ITIH1: variants seen among roughly 807,000 people sequenced by gnomAD.
The protein encoded by ITIH1 is inter-alpha-trypsin inhibitor heavy chain H1.
A neutral mutation model predicts 104.6 loss-of-function variants in ITIH1; 94 were observed. The observed-to-expected ratio is 0.90, with a 90% CI of 0.76 to 1.07. ITIH1 has a LOEUF of 1.07. ITIH1 is among the 50% of genes least tolerant of loss of function. ITIH1 has a pLI of 0.00. For missense variants in ITIH1, 1,193 were observed against 1,181.4 expected, an observed-to-expected ratio of 1.01 and a Z score of -0.14; for synonymous variants, 455 against 464.4, an observed-to-expected ratio of 0.98 and a Z score of 0.26.
intron 6 of ITIH1, 82 bp from the exon 7 acceptor site, chr3:52,781,858 C>G (rs891157489): frequency 2.6e-6 from 4 of 1,550,282 alleles, no homozygotes; most frequent in African/African-American, 1.4e-5. Context: ...CACACACACG[C>G]ATGCCTTCTT....
In ITIH1 at chr3:52,790,801, G is replaced by A. The variant is rs768471785; in HGVS notation, c.2374G>A (p.Gly792Ser). 47 of 1,613,014 alleles carry A rather than the reference G, an allele frequency of 2.9e-5. No individual in the cohort carries two copies. The highest frequency in any genetic ancestry group is 5.3e-5 in the African/African-American group (4 of 75,000). ...GAACCTGGTGGTGTCTGTGGACGAC[G>A]GTGGCACCTTTGAGGTTGTTTTGCA... ...KRNLVVSVDD[G>S]GTFEVVLHRV... The change falls in exon 20 of 22, where the codon GGT becomes AGT. Residue 792 changes from glycine to serine, a missense_variant. By Grantham distance (56) the Gly-to-Ser change is moderately conservative (BLOSUM62 0). Transcript: ENST00000273283.
In ITIH1 at chr3:52,786,967, A is replaced by G. The variant is rs147649121; in HGVS notation, c.1756A>G (p.Arg586Gly). 4.3e-6 allele frequency: 7 copies of G among 1,613,490 alleles called. No individual in the cohort carries two copies. In the African/African-American group the frequency reaches 9.3e-5, roughly 22 times the overall value. Residue 586 changes from arginine to glycine, a missense_variant, in exon 14 of 22, where the codon AGG (arginine) becomes GGG (glycine). By Grantham distance (125) the Arg-to-Gly change is moderately radical (BLOSUM62 -2). Transcript: ENST00000273283. ...CAGGATGAAGGTGGACAGGGAGGAG[A>G]GGGCCAACCTGTCATCCCAGGCCCT... ...AKRMKVDREE[R>G]ANLSSQALQM... is the part of the protein sequence containing the mutation.
rs1327239600 is a variant in ITIH1 at position 52,786,431 on chromosome 3, A to G, written c.1730A>G (p.Lys577Arg). Reference sequence around the variant, plus strand: ...CTCACCATCCAGGAGCTGCTGGCCAAGCGGTAGGGCACCTGCAGCTGCCCC... The same window carrying G: ...CTCACCATCCAGGAGCTGCTGGCCAGGCGGTAGGGCACCTGCAGCTGCCCC... ...AYLTIQELLAKRMKVDREERA... is the reference protein window; with the variant it reads ...AYLTIQELLARRMKVDREERA... The change falls in exon 13 of 22, where the codon AAG becomes AGG. Residue 577 changes from lysine (K) to arginine (R), a missense_variant. Transcript: ENST00000273283. The G allele has an allele frequency of 6.3e-7, 1 of 1,579,090 alleles. No homozygotes were observed. The highest frequency in any genetic ancestry group is 1.4e-5 in the African/African-American group (1 of 73,986).
In ITIH1 at chr3:52,791,477, C is replaced by G. The variant is rs1015171397; in HGVS notation, c.2495-40C>G. On this transcript the variant is annotated intron_variant, in intron 20 of 21. Transcript: ENST00000273283. The stretch of plus-strand genomic sequence containing the variant: ...TGCTGAGTGCAGGGCAGGAGCAAGT[C>G]CCCGAGATGGTAACCGCTGTCTCCA... 22 of 1,537,754 alleles carry G rather than the reference C, an allele frequency of 1.4e-5. No individual in the cohort carries two copies. In the East Asian group the frequency reaches 4.9e-4, roughly 35 times the overall value.
Position 52,781,204 on chromosome 3 carries a change from TTTTTTTCTTC to T in ITIH1, c.688-733_688-724del, listed in dbSNP as rs1161671862. On this transcript the variant is annotated intron_variant, in intron 6 of 21. Transcript: ENST00000273283. ...CCTTCACCTCCTCCTCTTCTTTTTT[TTTTTTTCTTC>T]TTCTTCTTCTTCTTCTTCTTCTTCT... Among the ~76,000 whole-genome samples the T allele has an allele frequency of 3.0e-3, 361 of 121,288 alleles. 33 individuals are homozygous for T. Among genetic ancestry groups the T allele is most frequent in the African/African-American group, 6.6e-3 (175 of 26,564 alleles). The allele number at this position is 121,288 out of a possible 152,430, so 79.6% of individuals were successfully genotyped here.
At chr3:52,778,753 C>A in intron 3 of ITIH1, 189 bp from the exon 4 acceptor site, 1 of 1,281,540 alleles carries the variant, frequency 7.8e-7, no homozygotes, top group Non-Finnish European at 1.0e-6. Flanking sequence ...AGGCCAGAGT[C>A]TGAGGCTTCT....
At chr3:52,787,518 A>G in intron 15 of ITIH1, 74 bp from the exon 16 acceptor site, 1 of 1,573,476 alleles carries the variant, frequency 6.4e-7, no homozygotes, top group East Asian at 2.2e-5. Flanking sequence ...CCTGTTGTGG[A>G]CAGAGCTGCA....
Position 52,779,898 on chromosome 3 carries a change from G to A in ITIH1, c.573+304G>A. On this transcript the variant is annotated intron_variant, in intron 5 of 21. Transcript: ENST00000273283. This position sits in a 1 kb window ranked among gnomAD's most constrained non-coding sequence, Gnocchi z 4.4. ...TCCAGGTAATTTTGTAAACTAGAAAGTCCCGCGCAGCCTGAGGGCCTGGAA... is the reference window on the plus strand; with the variant it reads ...TCCAGGTAATTTTGTAAACTAGAAAATCCCGCGCAGCCTGAGGGCCTGGAA... 1.4e-6 allele frequency: 2 copies of A among 1,382,532 alleles called. No individual in the cohort carries two copies. Among genetic ancestry groups the A allele is most frequent in the South Asian group, 3.1e-5 (2 of 64,820 alleles). 85.6% of individuals were successfully genotyped at this position (1,382,532 alleles called of 1,614,324 possible). A position where few individuals can be genotyped will look rare whatever the true frequency, so the allele number is the denominator to read the frequency against.
chr3:52,778,303 CT>C (rs1559459625), intron 2 of ITIH1, 36 bp from the exon 3 acceptor site: 1 of 1,603,874 alleles, frequency 6.2e-7, no homozygotes, highest in Non-Finnish European at 8.5e-7. Flanking sequence ...GACAGAGGCC[CT>C]GTCTCAGGCC....
Position 52,791,792 on chromosome 3 carries a change from A to AAAGACTACAG in ITIH1, c.2618_2627dup (p.Ser876ArgfsTer32). The AAAGACTACAG allele has an allele frequency of 6.2e-7, 1 of 1,613,268 alleles. No individual in the cohort carries two copies. Among genetic ancestry groups the AAAGACTACAG allele is most frequent in the Non-Finnish European group, 8.5e-7 (1 of 1,179,550 alleles). On this transcript the variant is annotated frameshift_variant, in exon 22 of 22. Transcript: ENST00000273283. LOFTEE classifies it low-confidence loss of function (END_TRUNC). ...CTTGTCTCTGCACAGGGGTTTGCAAAAAGACTACAGCAAGGACCCGTGGCA... is the reference window on the plus strand; with the variant it reads ...CTTGTCTCTGCACAGGGGTTTGCAAAAAGACTACAGAAGACTACAGCAAGGACCCGTGGCA...
Position 52,790,928 on chromosome 3 carries a change from C to G in ITIH1, c.2494+7C>G, listed in dbSNP as rs754895525. 6.3e-7 allele frequency: 1 copy of G among 1,591,448 alleles called. No homozygotes were observed. The highest frequency in any genetic ancestry group is 1.9e-5 in the Admixed American group (1 of 53,748). ...CGGACGCACGGGCTGCTGGGTACGGCTGGCCAGGCTGGCAGGGCTGTGGGG... is the reference window on the plus strand; with the variant it reads ...CGGACGCACGGGCTGCTGGGTACGGGTGGCCAGGCTGGCAGGGCTGTGGGG... On this transcript the variant is annotated splice_region_variant and intron_variant, in intron 20 of 21. Transcript: ENST00000273283.
At chr3:52,784,205 T>C in intron 10 of ITIH1, 91 bp from the exon 11 acceptor site, 1 of 1,163,354 alleles carries the variant, frequency 8.6e-7, no homozygotes, top group Non-Finnish European at 1.2e-6. Context: ...GATGGAAGGC[T>C]TGAGCCCCAG....
rs774015093 is a variant in ITIH1, at chr3:52,786,931, T to G, written c.1734-14T>G. The G allele has an allele frequency of 3.7e-6, 6 of 1,600,692 alleles. No individual in the cohort carries two copies. The highest frequency in any genetic ancestry group is 5.1e-6 in the Non-Finnish European group (6 of 1,171,762). On this transcript the variant is annotated splice_polypyrimidine_tract_variant and intron_variant, in intron 13 of 21. Coordinates refer to ENST00000273283, the MANE Select transcript of ITIH1 (RefSeq NM_002215.4). ...CAAGTCGGGGCTTGGAGCCAGCCTC[T>G]GTCTTGAATGCAGGATGAAGGTGGA...
rs1208642332 is a variant in ITIH1 at position 52,786,341 on chromosome 3, T to G, written c.1640T>G (p.Met547Arg). ...ACCTGCCTAGTGGATGAGGAGGAGATGAAGAAACTGCTCCGAGAGCGTGGC... is the reference window on the plus strand; with the variant it reads ...ACCTGCCTAGTGGATGAGGAGGAGAGGAAGAAACTGCTCCGAGAGCGTGGC... ...SITCLVDEEEMKKLLRERGHM... is the reference protein window; with the variant it reads ...SITCLVDEEERKKLLRERGHM... Residue 547 changes from methionine (M) to arginine (R), a missense_variant, in exon 13 of 22, where the codon ATG becomes AGG. By Grantham distance (91) the Met-to-Arg change is moderately conservative. Coordinates refer to ENST00000273283, the MANE Select transcript of ITIH1 (RefSeq NM_002215.4). 6.4e-7 allele frequency: 1 copy of G among 1,574,546 alleles called. No homozygotes were observed. Among genetic ancestry groups the G allele is most frequent in the Non-Finnish European group, 8.6e-7 (1 of 1,159,054 alleles).
At position 52,779,009 on chromosome 3, in the gene ITIH1, A is replaced by G. The variant is rs1198828325; in HGVS notation, c.373A>G (p.Lys125Glu). 1.2e-6 allele frequency: 2 copies of G among 1,614,040 alleles called. No homozygotes were observed. The highest frequency in any genetic ancestry group is 2.2e-5 in the East Asian group (1 of 44,882). Residue 125 changes from lysine to glutamate, a missense_variant, in exon 4 of 22, where the codon AAA becomes GAA. Coordinates refer to ENST00000273283, the MANE Select transcript of ITIH1 (RefSeq NM_002215.4). This position sits in a 1 kb window ranked among gnomAD's most constrained non-coding sequence, Gnocchi z 4.4. Reference protein sequence around the residue: ...DKVTAWKQYRKAAISGENAGL... With the variant: ...DKVTAWKQYREAAISGENAGL... ...GGTGACTGCATGGAAGCAGTACCGG[A>G]AAGCAGCTATCTCAGGAGAGAATGC...
Position 52,787,111 on chromosome 3 carries a change from A to G in ITIH1, c.1888+12A>G, listed in dbSNP as rs770510587. 6.6e-5 allele frequency: 106 copies of G among 1,614,092 alleles called. No individual in the cohort carries two copies. Among genetic ancestry groups the G allele is most frequent in the Non-Finnish European group, 8.4e-5 (99 of 1,180,032 alleles). ...CAAGCCCTCAGAGGGTATAGGCTGC[A>G]GGGGTCTACAGAAGGGAGAGGCCAT... On this transcript the variant is annotated intron_variant, in intron 14 of 21. Transcript: ENST00000273283.
chr3:52,790,488 G>A, intron 19 of ITIH1: 1 of 427,672 alleles, frequency 2.3e-6, no homozygotes. Context: ...TAACCTCTCT[G>A]AGCCTGGGAC....
rs748878505 is a variant in ITIH1, at chr3:52,787,974, CCCT to C, written c.1925-9_1925-7del. On this transcript the variant is annotated splice_polypyrimidine_tract_variant and intron_variant, in intron 16 of 21. Transcript: ENST00000273283. ...CTGCCCCGCTTCTAAATGCCACTCCCCCTCCCATCAGCGTTCGTGCTGTCAGCC... is the reference window on the plus strand; with the variant it reads ...CTGCCCCGCTTCTAAATGCCACTCCCCCCATCAGCGTTCGTGCTGTCAGCC... The C allele has an allele frequency of 4.7e-5, 74 of 1,591,254 alleles. No homozygotes were observed. The highest frequency in any genetic ancestry group is 6.2e-5 in the Non-Finnish European group (72 of 1,166,174).
intron 13 of ITIH1, 94 bp from the exon 14 acceptor site, chr3:52,786,851 T>A: frequency 7.4e-7 from 1 of 1,356,392 alleles, no homozygotes; most frequent in South Asian, 1.4e-5. Context: ...AATGAATGAA[T>A]GAATGAATGA....
Sources: allele counts gnomAD v4.1 joint callset (sites outside exome capture counted in the v4.1 genomes callset), GRCh38; gene constraint gnomAD v4.1.1; non-coding constraint Gnocchi (gnomAD v3.1); transcripts MANE v1.5; gene names NCBI Gene and HGNC (gene_info 2026-07-23, HGNC 2026-07-21).